The following PDE4D variants were observed in gnomAD, a reference collection of about 807,000 sequenced individuals.
PDE4D encodes the protein 3',5'-cyclic-AMP phosphodiesterase 4D.
PDE4D carries 24 observed loss-of-function variants against 87.4 expected under a neutral mutation model. That is an observed-to-expected ratio of 0.27 (90% CI 0.20 to 0.39). The LOEUF is 0.39. PDE4D is among the 10% of genes least tolerant of loss of function. The pLI is 1.00. For missense variants in PDE4D, 714 were observed against 1,041.0 expected, an observed-to-expected ratio of 0.69 and a Z score of 4.32; for synonymous variants, 384 against 383.2, an observed-to-expected ratio of 1.00 and a Z score of -0.02.
At chr5:59,850,922 G>A (rs1017378591) in intron 1 of PDE4D, among the ~76,000 whole-genome samples, 2 of 151,964 alleles carry the variant, frequency 1.3e-5, no homozygotes, top group Non-Finnish European at 2.9e-5. Flanking sequence ...GTTAACTGAG[G>A]TTAACAAGAA....
Position 60,403,293 on chromosome 5 carries a change from TAGC to T in PDE4D, c.-90+84646_-90+84648del, listed in dbSNP as rs1741247099. 1.3e-5 allele frequency among the ~76,000 whole-genome samples: 2 copies of T among 152,212 alleles called. 1 individual carries two copies. The highest frequency in any genetic ancestry group is 4.1e-4 in the South Asian group (2 of 4,836). On this transcript the variant is annotated intron_variant, in intron 1 of 16. Transcript: ENST00000502484. Reference sequence around the variant, plus strand: ...AATGAAGAATACTTAAATTTCAAAATAGCAGCCAGAGCCAGTGGGATGATGTTT... The same window carrying T: ...AATGAAGAATACTTAAATTTCAAAATAGCCAGAGCCAGTGGGATGATGTTT...
chr5:59,558,540 G>A (rs1186930421), intron 1 of PDE4D: 3 of 152,110 alleles, frequency 2.0e-5, no homozygotes, highest in African/African-American at 4.8e-5. Flanking sequence ...TTGTAGAAGA[G>A]GTGTCAATGC....
At chr5:59,200,071 G>T (rs907798336) in intron 2 of PDE4D, among the ~76,000 whole-genome samples, 1 of 49,492 alleles carries the variant, frequency 2.0e-5, no homozygotes, top group Non-Finnish European at 6.6e-5. Flanking sequence ...GTACACACAC[G>T]TATGCACACA....
At chr5:59,195,277 AAAG>A (rs897396429) in intron 2 of PDE4D, among the ~76,000 whole-genome samples, 1 of 152,206 alleles carries the variant, frequency 6.6e-6, no homozygotes, top group Non-Finnish European at 1.5e-5. Flanking sequence ...CTCAAAAAAA[AAAG>A]GTCTTCTGAG....
intron 1 of PDE4D, among the ~76,000 whole-genome samples, chr5:60,201,257 C>G (rs1246158662): frequency 2.2e-5 from 3 of 136,524 alleles, no homozygotes; most frequent in Non-Finnish European, 3.2e-5. Context: ...AGTTAAGTAA[C>G]TGGGTTGATT....
At position 59,955,561 on chromosome 5, in the gene PDE4D, T is replaced by A. The variant is rs181728724; in HGVS notation, c.272+32927A>T. On this transcript the variant is annotated intron_variant, in intron 3 of 16. Transcript: ENST00000502484. The stretch of plus-strand genomic sequence containing the variant: ...CGGGACACTGCAGGGATTACTCAGC[T>A]CCTCCTACTCCAAGCCTGAGGATTC... 5.1e-3 allele frequency among the ~76,000 whole-genome samples: 781 copies of A among 152,264 alleles called. 7 individuals are homozygous for A. The highest frequency in any genetic ancestry group is 8.6e-3 in the Admixed American group (131 of 15,296).
intron 1 of PDE4D, among the ~76,000 whole-genome samples, chr5:60,414,032 AC>A (rs1742271278): frequency 2.6e-5 from 4 of 152,312 alleles, no homozygotes; most frequent in African/African-American, 9.6e-5. Context: ...CTCGACAGAT[AC>A]AATTTCTCCC....
chr5:59,080,979 C>T (rs569308536), intron 5 of PDE4D, among the ~76,000 whole-genome samples: 15 of 152,190 alleles, frequency 9.9e-5, no homozygotes, highest in Admixed American at 3.3e-4. Context: ...ATTGACATCC[C>T]AAGTTTATGT....
At chr5:59,196,031 TGA>T (rs141137629) in intron 2 of PDE4D, among the ~76,000 whole-genome samples, 96 of 147,692 alleles carry the variant, frequency 6.5e-4, no homozygotes, top group Admixed American at 7.4e-4. Context: ...CAGTGGTAGT[TGA>T]GAGAGAGAGA....
chr5:59,644,057 T>C (rs1384383048), intron 1 of PDE4D, among the ~76,000 whole-genome samples: 2 of 152,138 alleles, frequency 1.3e-5, no homozygotes, highest in Non-Finnish European at 2.9e-5. Context: ...TAGATGAACA[T>C]TAAGGGATTA....
At chr5:60,251,500 G>T (rs2149683878) in intron 1 of PDE4D, among the ~76,000 whole-genome samples, 1 of 152,010 alleles carries the variant, frequency 6.6e-6, no homozygotes, top group Non-Finnish European at 1.5e-5. Context: ...AAGGATAATG[G>T]CTTCCAGCTC....
intron 1 of PDE4D, among the ~76,000 whole-genome samples, chr5:59,250,223 G>C (rs1251509638): frequency 6.6e-6 from 1 of 151,124 alleles, no homozygotes; most frequent in East Asian, 2.0e-4. Context: ...GGGCATGGTG[G>C]TTCATACCTG....
intron 1 of PDE4D, among the ~76,000 whole-genome samples, chr5:59,755,547 G>C (rs187498486): frequency 1.3e-5 from 2 of 152,146 alleles, no homozygotes; most frequent in East Asian, 3.9e-4. Flanking sequence ...TTTATTAAAG[G>C]AAGCCTGGTT....
At chr5:59,592,259 C>A (rs1265087615) in intron 1 of PDE4D, 2 of 473,372 alleles carry the variant, frequency 4.2e-6, no homozygotes, top group African/African-American at 2.1e-5. Flanking sequence ...ACTTTCCACT[C>A]CTGGCAAGTT....
chr5:59,195,376 GCC>G (rs1406747559), intron 2 of PDE4D, among the ~76,000 whole-genome samples: 1 of 152,176 alleles, frequency 6.6e-6, no homozygotes, highest in Non-Finnish European at 1.5e-5. Context: ...AGGCCATTGA[GCC>G]CGTGGGAGCC....
chr5:60,160,522 A>C (rs891280277), intron 2 of PDE4D, among the ~76,000 whole-genome samples: 1 of 152,318 alleles, frequency 6.6e-6, no homozygotes, highest in African/African-American at 2.4e-5. Flanking sequence ...AGAAAAAAAA[A>C]TAACTGGACC....
At chr5:59,612,989 G>A (rs1195408096) in intron 1 of PDE4D, among the ~76,000 whole-genome samples, 1 of 152,160 alleles carries the variant, frequency 6.6e-6, no homozygotes, top group Non-Finnish European at 1.5e-5. Flanking sequence ...AGTTACTGAA[G>A]TATTCTGAGC....
intron 1 of PDE4D, among the ~76,000 whole-genome samples, chr5:59,763,160 T>A (rs966041178): frequency 6.6e-6 from 1 of 151,550 alleles, no homozygotes; most frequent in Non-Finnish European, 1.5e-5. Context: ...TTTGGCATTT[T>A]AAAAATCTGA....
chr5:59,430,342 G>A (rs972591081), intron 1 of PDE4D: 1 of 1,231,300 alleles, frequency 8.1e-7, no homozygotes. Flanking sequence ...CGCGTATGGT[G>A]ATCCATGAAC....
Sources: gnomAD v4.1 joint callset for allele counts (sites outside exome capture counted in the v4.1 genomes callset) on GRCh38, gnomAD v4.1.1 for gene constraint, MANE v1.5 for transcripts, NCBI Gene and HGNC (gene_info 2026-07-23, HGNC 2026-07-21) for gene names.